The following SPATA16 variants were observed in gnomAD, a reference collection of about 807,000 sequenced individuals.
The protein encoded by SPATA16 is spermatogenesis associated 16, also known as spermatogenesis-associated protein 16.
Under a neutral mutation model 63.3 loss-of-function variants are expected in SPATA16, and 36 were observed. The ratio of observed to expected loss-of-function variants is 0.57; its 90% CI spans 0.44 to 0.75. SPATA16 has a LOEUF of 0.75. Ranked by LOEUF, SPATA16 falls within the 30% of genes least tolerant of loss-of-function variation. The pLI, the probability that SPATA16 is intolerant of heterozygous loss-of-function variation, is 0.00. For missense variants in SPATA16, 646 were observed against 679.3 expected (o/e 0.95, Z 0.54); for synonymous variants, 203 against 216.7 (o/e 0.94, Z 0.56).
intron 1 of SPATA16, among the ~76,000 whole-genome samples, chr3:173,124,304 T>C (rs1195663036): frequency 6.6e-6 from 1 of 152,242 alleles, no homozygotes; most frequent in African/African-American, 2.4e-5. Flanking sequence ...TAAACTTTCT[T>C]TTCCTTCTCT....
At chr3:173,106,215 C>T (rs1373764655) in intron 2 of SPATA16, among the ~76,000 whole-genome samples, 3 of 152,128 alleles carry the variant, frequency 2.0e-5, no homozygotes, top group Admixed American at 2.0e-4. Flanking sequence ...ATGCATGGCC[C>T]CTGACAACCT....
chr3:172,915,730 G>A (rs538694624), intron 9 of SPATA16, among the ~76,000 whole-genome samples: 24 of 152,170 alleles, frequency 1.6e-4, no homozygotes, highest in Admixed American at 7.9e-4. Context: ...TCTGTGTGTG[G>A]CTAAAGTGTC....
intron 1 of SPATA16, among the ~76,000 whole-genome samples, chr3:173,124,416 C>G (rs1738172086): frequency 6.6e-6 from 1 of 152,162 alleles, no homozygotes. Context: ...TTTGGTAATT[C>G]CACAAGCAGC....
rs1733211264 is a variant in SPATA16, at chr3:172,943,599, G to A, written c.1081+13078C>T. Among the ~76,000 whole-genome samples, 5 of 152,132 alleles carry A rather than the reference G, an allele frequency of 3.3e-5. No homozygotes were observed. The South Asian group carries it at 1.0e-3, about 32-fold the overall frequency. On this transcript the variant is annotated intron_variant, in intron 6 of 10. Transcript: ENST00000351008. Reference sequence around the variant, plus strand: ...TACTAAAAATACAAAATGTAGCTGGGCATGGTGGCGCATGCCTGTAATCCC... The same window carrying A: ...TACTAAAAATACAAAATGTAGCTGGACATGGTGGCGCATGCCTGTAATCCC...
intron 4 of SPATA16, among the ~76,000 whole-genome samples, chr3:172,995,407 T>A (rs1734673468): frequency 6.6e-6 from 1 of 152,100 alleles, no homozygotes; most frequent in African/African-American, 2.4e-5. Flanking sequence ...AATCCTGATC[T>A]TCTAGCTTCA....
At chr3:172,980,523 C>T (rs918153641) in intron 4 of SPATA16, among the ~76,000 whole-genome samples, 1 of 152,134 alleles carries the variant, frequency 6.6e-6, no homozygotes, top group African/African-American at 2.4e-5. Context: ...AACTGACGAT[C>T]GGCGGCTTAA....
intron 6 of SPATA16, among the ~76,000 whole-genome samples, chr3:172,938,593 G>A (rs191552978): frequency 2.0e-5 from 3 of 152,174 alleles, no homozygotes; most frequent in African/African-American, 4.8e-5. Flanking sequence ...TGGAGTCTGC[G>A]GGCCTCCTTA....
intron 6 of SPATA16, among the ~76,000 whole-genome samples, chr3:172,946,606 T>C (rs57141430): frequency 0.087 from 13,294 of 152,092 alleles, 1,943 homozygotes; most frequent in African/African-American, 0.3. Context: ...ACTCCTTCTG[T>C]ATGAGCAAAT....
At chr3:172,949,012 A>T (rs1733362999) in intron 6 of SPATA16, among the ~76,000 whole-genome samples, 1 of 152,144 alleles carries the variant, frequency 6.6e-6, no homozygotes, top group Admixed American at 6.5e-5. Context: ...AAGTAAGAAG[A>T]TAATTACTCT....
At chr3:172,988,067 C>A (rs1419255853) in intron 4 of SPATA16, among the ~76,000 whole-genome samples, 1 of 152,088 alleles carries the variant, frequency 6.6e-6, no homozygotes, top group East Asian at 1.9e-4. Flanking sequence ...GACCTGTAGG[C>A]AAAGAGGGAG....
intron 3 of SPATA16, among the ~76,000 whole-genome samples, chr3:173,039,536 C>G (rs1735790942): frequency 6.6e-6 from 1 of 152,114 alleles, no homozygotes; most frequent in Non-Finnish European, 1.5e-5. Context: ...CAATACCACT[C>G]CATTATGCTC....
At chr3:173,097,988 A>T (rs748387980) in intron 2 of SPATA16, among the ~76,000 whole-genome samples, 3 of 152,176 alleles carry the variant, frequency 2.0e-5, no homozygotes, top group Admixed American at 6.6e-5. Flanking sequence ...GGCATATTGT[A>T]AAGCCAGGCA....
At chr3:172,894,539 A>C (rs1041126729) in intron 10 of SPATA16, among the ~76,000 whole-genome samples, 2 of 151,764 alleles carry the variant, frequency 1.3e-5, no homozygotes, top group Non-Finnish European at 2.9e-5. Context: ...GAAAATACCC[A>C]TAATGATAAC....
chr3:172,902,240 C>G (rs758785905), intron 10 of SPATA16, among the ~76,000 whole-genome samples: 1 of 152,148 alleles, frequency 6.6e-6, no homozygotes, highest in African/African-American at 2.4e-5. Context: ...GGGTTTCACT[C>G]TATGTTGGCC....
At chr3:172,914,940 A>G (rs1244658620) in intron 9 of SPATA16, among the ~76,000 whole-genome samples, 1 of 151,854 alleles carries the variant, frequency 6.6e-6, no homozygotes, top group Non-Finnish European at 1.5e-5. Context: ...ATTCCCCTGT[A>G]TTTTTCATTT....
At position 172,924,334 on chromosome 3, in the gene SPATA16, T is replaced by A; in HGVS notation, c.1229-17A>T. On this transcript the variant is annotated splice_polypyrimidine_tract_variant and intron_variant, in intron 7 of 10. Transcript: ENST00000351008. ...TTTTATGCTCTAAAAATTGTAACAA[T>A]AAACTTTTATACTATTTTCTCCAGA... 1.3e-6 allele frequency: 2 copies of A among 1,571,188 alleles called. No individual in the cohort carries two copies. The highest frequency in any genetic ancestry group is 1.1e-5 in the South Asian group (1 of 90,168).
chr3:172,990,179 G>A (rs1288673917), intron 4 of SPATA16, among the ~76,000 whole-genome samples: 3 of 152,194 alleles, frequency 2.0e-5, no homozygotes, highest in African/African-American at 4.8e-5. Context: ...GCAGGCACAT[G>A]CCATGTGATT....
intron 2 of SPATA16, among the ~76,000 whole-genome samples, chr3:173,074,193 A>G (rs1454490731): frequency 1.3e-5 from 2 of 152,132 alleles, no homozygotes; most frequent in African/African-American, 2.4e-5. Flanking sequence ...TGTCTCAGAT[A>G]AGACTTTGGA....
chr3:172,916,208 C>G, intron 9 of SPATA16, 109 bp downstream of exon 9: 1 of 1,368,128 alleles, frequency 7.3e-7, no homozygotes, highest in Non-Finnish European at 1.0e-6. Context: ...AGTTTGCCCT[C>G]AGGCTACATT....
Sources: gnomAD v4.1 joint callset for allele counts (sites outside exome capture counted in the v4.1 genomes callset) on GRCh38, gnomAD v4.1.1 for gene constraint, MANE v1.5 for transcripts, NCBI Gene and HGNC (gene_info 2026-07-23, HGNC 2026-07-21) for gene names.